PTPRQ: variants seen among roughly 807,000 people sequenced by gnomAD.
PTPRQ encodes the protein protein tyrosine phosphatase receptor type Q.
A neutral mutation model predicts 246.0 loss-of-function variants in PTPRQ; 199 were observed. The observed-to-expected ratio is 0.81, with a 90% CI of 0.72 to 0.91. PTPRQ has a LOEUF of 0.91. Among genes scored for constraint, PTPRQ ranks in the 40% least tolerant of loss-of-function variants. The pLI, the probability that PTPRQ is intolerant of heterozygous loss-of-function variation, is 0.00. For synonymous variants in PTPRQ, 869 were observed against 853.2 expected (o/e 1.02, Z -0.32); for missense variants, 2,624 against 2,528.4 (o/e 1.04, Z -0.81).
rs906268610 is a variant in PTPRQ, at chr12:80,542,178, G to T, written c.3535G>T (p.Gly1179Cys). 1 of 1,550,656 alleles carries T rather than the reference G, an allele frequency of 6.4e-7. No homozygotes were observed. The highest frequency in any genetic ancestry group is 8.7e-7 in the Non-Finnish European group (1 of 1,146,594). ...LSWDPPVKPNGAIISYDLTLQ... is the reference protein window; with the variant it reads ...LSWDPPVKPNCAIISYDLTLQ... ...ATGGGATCCCCCAGTAAAGCCAAAT[G>T]GTGCAATAATAAGTTATGATTTAAC... Residue 1179 changes from glycine (G) to cysteine (C), a missense_variant, in exon 22 of 45, where the codon GGT becomes TGT. Physicochemically the swap from Gly to Cys is radical, Grantham distance 159. Coordinates refer to ENST00000644991, the MANE Select transcript of PTPRQ (RefSeq NM_001145026.2).
At position 80,495,952 on chromosome 12, in the gene PTPRQ, G is replaced by C. The variant is rs551096434; in HGVS notation, c.1883-47G>C. ...TTATATTAAATGGCACCAATCCCAA[G>C]AGTATTATTTTAAGGACATTAAACA... is the stretch of plus-strand genomic sequence containing the variant. On this transcript the variant is annotated intron_variant, in intron 12 of 44. Transcript: ENST00000644991. 6 of 1,524,608 alleles carry C rather than the reference G, an allele frequency of 3.9e-6. No homozygotes were observed. The African/African-American group carries it at 7.0e-5, about 18-fold the overall frequency. 94.4% of individuals were successfully genotyped at this position (1,524,608 alleles called of 1,614,324 possible).
intron 15 of PTPRQ, 114 bp downstream of exon 15, chr12:80,506,320 GTC>G (rs1191045303): frequency 8.3e-7 from 1 of 1,211,506 alleles, no homozygotes; most frequent in Non-Finnish European, 1.1e-6. Flanking sequence ...TTACAATTTT[GTC>G]TTTTTGGTTA....
chr12:80,549,726 C>CTGAAACAGGTAACTAACG lies in PTPRQ; in HGVS notation c.4285+10_4285+27dup. On this transcript the variant is annotated stop_gained and inframe_insertion, in exon 25 of 45. Transcript: ENST00000644991. LOFTEE classifies it high-confidence loss of function. The stretch of plus-strand genomic sequence containing the variant: ...AGCACATGCCATGTCAGCACACTAC[C>CTGAAACAGGTAACTAACG]TGAAACAGGTAACTAACGTGAAACA... The CTGAAACAGGTAACTAACG allele has an allele frequency of 1.3e-6, 2 of 1,539,846 alleles. No homozygotes were observed. Among genetic ancestry groups the CTGAAACAGGTAACTAACG allele is most frequent in the East Asian group, 2.5e-5 (1 of 40,786 alleles).
In PTPRQ at chr12:80,472,264, G is replaced by T. The variant is rs909063314; in HGVS notation, c.1186+13G>T. 6 of 1,550,052 alleles carry T rather than the reference G, an allele frequency of 3.9e-6. No individual in the cohort carries two copies. The African/African-American group carries it at 8.2e-5, about 21-fold the overall frequency. ...ACTCCACCAGATGGTAAGAACATAG[G>T]GAATGAGTGAGATATTTTTGGTATG... On this transcript the variant is annotated intron_variant, in intron 8 of 44. Coordinates refer to ENST00000644991, the MANE Select transcript of PTPRQ (RefSeq NM_001145026.2).
At chr12:80,521,484 T>C (rs540883643) in intron 17 of PTPRQ, among the ~76,000 whole-genome samples, 1 of 152,360 alleles carries the variant, frequency 6.6e-6, no homozygotes, top group Non-Finnish European at 1.5e-5. Flanking sequence ...CCTAGAGTTT[T>C]TATGGTTTTA....
intron 26 of PTPRQ, among the ~76,000 whole-genome samples, chr12:80,592,867 C>T (rs534817404): frequency 2.0e-5 from 3 of 151,928 alleles, no homozygotes; most frequent in Middle Eastern, 3.4e-3. Flanking sequence ...AAAAATTATC[C>T]GAACATGGTG....
chr12:80,444,931 C>G, intron 2 of PTPRQ, 82 bp downstream of exon 2: 1 of 1,362,192 alleles, frequency 7.3e-7, no homozygotes, highest in African/African-American at 1.5e-5. Context: ...CTTATACTGG[C>G]AACATGTACA....
intron 33 of PTPRQ, among the ~76,000 whole-genome samples, chr12:80,630,249 C>A (rs565852601): frequency 4.6e-5 from 7 of 152,058 alleles, no homozygotes; most frequent in Non-Finnish European, 8.8e-5. Flanking sequence ...TTCCTTCCCC[C>A]CTATGTCATA....
intron 25 of PTPRQ, among the ~76,000 whole-genome samples, chr12:80,565,521 C>A (rs1374125221): frequency 6.6e-6 from 1 of 152,078 alleles, no homozygotes; most frequent in Non-Finnish European, 1.5e-5. Flanking sequence ...TTTTACTTCC[C>A]TTTTTAAGTA....
intron 35 of PTPRQ, among the ~76,000 whole-genome samples, chr12:80,648,355 A>G (rs1055848787): frequency 6.6e-6 from 1 of 152,086 alleles, no homozygotes; most frequent in African/African-American, 2.4e-5. Context: ...TTTACAGAGT[A>G]TAAGTAATTT....
chr12:80,610,576 T>G lies in PTPRQ; in HGVS notation c.4869T>G (p.Tyr1623Ter). 6.5e-7 allele frequency: 1 copy of G among 1,543,782 alleles called. No individual in the cohort carries two copies. Among genetic ancestry groups the G allele is most frequent in the Non-Finnish European group, 8.8e-7 (1 of 1,141,484 alleles). ...TTACTGGGAACATTAGTGCTGCATA[T>G]GTAGAAGGGAAGTCAAGTGCTGAAA... ...TAFTGNISAA[Y>*]VEGKSSAEMI... The change falls in exon 28 of 45, where the codon TAT becomes TAG. Residue 1623 changes from tyrosine to a stop codon, truncating the protein, a stop_gained. Coordinates refer to ENST00000644991, the MANE Select transcript of PTPRQ (RefSeq NM_001145026.2). LOFTEE classifies it high-confidence loss of function.
At chr12:80,578,071 T>C (rs780150046) in intron 25 of PTPRQ, among the ~76,000 whole-genome samples, 4 of 151,990 alleles carry the variant, frequency 2.6e-5, no homozygotes, top group Non-Finnish European at 5.9e-5. Flanking sequence ...ATTTTTTTAA[T>C]TTTTATTTTT....
At chr12:80,507,872 C>A (rs1002677704) in intron 16 of PTPRQ, among the ~76,000 whole-genome samples, 1 of 151,986 alleles carries the variant, frequency 6.6e-6, no homozygotes, top group Non-Finnish European at 1.5e-5. Context: ...AAAGTTAGTG[C>A]TCTTTTCTAT....
At chr12:80,444,451 T>C in intron 1 of PTPRQ, 52 bp downstream of exon 1, 1 of 1,030,724 alleles carries the variant, frequency 9.7e-7, no homozygotes, top group Non-Finnish European at 1.5e-6. Context: ...GGCTGTAGAT[T>C]TCTCAAGACT....
intron 27 of PTPRQ, among the ~76,000 whole-genome samples, chr12:80,607,269 G>A (rs1724751318): frequency 6.6e-6 from 1 of 150,832 alleles, no homozygotes; most frequent in African/African-American, 2.4e-5. Context: ...GATCAACAAT[G>A]GTTTGACAGG....
chr12:80,503,111 C>G (rs1894853106), intron 14 of PTPRQ, among the ~76,000 whole-genome samples: 1 of 151,746 alleles, frequency 6.6e-6, no homozygotes, highest in Non-Finnish European at 1.5e-5. Context: ...ATGCAACTAC[C>G]CAACTCCTAC....
At chr12:80,606,385 C>A (rs1001958241) in intron 27 of PTPRQ, among the ~76,000 whole-genome samples, 3 of 151,002 alleles carry the variant, frequency 2.0e-5, no homozygotes, top group Admixed American at 2.0e-4. Flanking sequence ...AAATAAGAGG[C>A]CATTGAAGAG....
In PTPRQ at chr12:80,534,150, C is replaced by T; in HGVS notation, c.2814C>T (p.Ile938=). Reference sequence around the variant, plus strand: ...GTGATGGGAAAACAAGAAGCAATATCATTAGCTTTCAAACACCAGAGGGAG... The same window carrying T: ...GTGATGGGAAAACAAGAAGCAATATTATTAGCTTTCAAACACCAGAGGGAG... ...RFGDGKTRSN[I]ISFQTPEGAP... The change falls in exon 18 of 45, where the codon ATC becomes ATT. Residue 938 remains isoleucine, a synonymous_variant. Transcript: ENST00000644991. The T allele has an allele frequency of 6.5e-7, 1 of 1,539,050 alleles. No homozygotes were observed. Among genetic ancestry groups the T allele is most frequent in the Non-Finnish European group, 8.8e-7 (1 of 1,141,216 alleles).
chr12:80,481,713 C>A (rs1894066170), intron 8 of PTPRQ, among the ~76,000 whole-genome samples: 1 of 152,008 alleles, frequency 6.6e-6, no homozygotes. Flanking sequence ...AAATCACAAG[C>A]ATTCTTATAC....
Sources: allele counts gnomAD v4.1 joint callset (sites outside exome capture counted in the v4.1 genomes callset), GRCh38; gene constraint gnomAD v4.1.1; transcripts MANE v1.5; gene names NCBI Gene and HGNC (gene_info 2026-07-23, HGNC 2026-07-21).